CUX1: variants seen among roughly 807,000 people sequenced by gnomAD.
The protein encoded by CUX1 is protein CASP.
CUX1 carries 31 observed loss-of-function variants against 158.8 expected under a neutral mutation model. That is an observed-to-expected ratio of 0.20 (90% CI 0.15 to 0.26). The LOEUF is 0.26. Among genes scored for constraint, CUX1 ranks in the 10% least tolerant of loss-of-function variants. The pLI, the probability that CUX1 is intolerant of heterozygous loss-of-function variation, is 1.00. For missense variants in CUX1, 1,589 were observed against 2,014.6 expected, an observed-to-expected ratio of 0.79 and a Z score of 4.04; for synonymous variants, 879 against 862.1, an observed-to-expected ratio of 1.02 and a Z score of -0.34.
intron 3 of CUX1, among the ~76,000 whole-genome samples, chr7:102,050,899 G>T (rs1196303471): frequency 6.6e-6 from 1 of 151,838 alleles, no homozygotes; most frequent in African/African-American, 2.4e-5. Flanking sequence ...CCCTAACCTC[G>T]CTGGAATCAG....
chr7:102,184,026 T>C (rs1281854879), intron 11 of CUX1, among the ~76,000 whole-genome samples: 1 of 151,928 alleles, frequency 6.6e-6, no homozygotes, highest in African/African-American at 2.4e-5. Context: ...GCCTCCCAAG[T>C]AGTCGGGACT....
At chr7:102,142,336 A>C (rs1834552461) in intron 8 of CUX1, among the ~76,000 whole-genome samples, 1 of 152,194 alleles carries the variant, frequency 6.6e-6, no homozygotes, top group African/African-American at 2.4e-5. Flanking sequence ...GAATGCAGAA[A>C]CTGGGCAAGC....
intron 17 of CUX1, among the ~76,000 whole-genome samples, chr7:102,276,396 G>C (rs1157714406): frequency 6.6e-6 from 1 of 152,154 alleles, no homozygotes; most frequent in African/African-American, 2.4e-5. Flanking sequence ...CCACCTCCTG[G>C]GTTCAAGCGA....
chr7:102,112,328 G>C (rs371474892), intron 7 of CUX1, among the ~76,000 whole-genome samples: 1 of 142,830 alleles, frequency 7.0e-6, no homozygotes, highest in Admixed American at 7.3e-5. Context: ...TGCAAGCTCC[G>C]CCTCCTGGGT....
chr7:101,884,396 GTTT>G (rs935620978), intron 1 of CUX1, among the ~76,000 whole-genome samples: 2 of 152,258 alleles, frequency 1.3e-5, no homozygotes, highest in African/African-American at 4.8e-5. Context: ...TAGATAACGT[GTTT>G]TTCTGTCCGG....
At position 102,251,424 on chromosome 7, in the gene CUX1, G is replaced by C; in HGVS notation, c.*2382G>C. On this transcript the variant is annotated 3_prime_UTR_variant, in exon 24 of 24. Transcript: ENST00000292535. Reference sequence around the variant, plus strand: ...CCTGCAGCTGCAGCACTTAGTTCACGTTTTCACAAATTTCAAGAGTCACTA... The same window carrying C: ...CCTGCAGCTGCAGCACTTAGTTCACCTTTTCACAAATTTCAAGAGTCACTA... 1.0e-6 allele frequency: 1 copy of C among 985,280 alleles called. No individual in the cohort carries two copies. Among genetic ancestry groups the C allele is most frequent in the Non-Finnish European group, 1.2e-6 (1 of 829,912 alleles). The allele number at this position is 985,280 out of a possible 1,614,324, so 61.0% of individuals were successfully genotyped here.
At chr7:102,156,928 C>G (rs1789825883) in intron 8 of CUX1, among the ~76,000 whole-genome samples, 1 of 152,200 alleles carries the variant, frequency 6.6e-6, no homozygotes, top group Non-Finnish European at 1.5e-5. Flanking sequence ...AACCTGGAAA[C>G]TAGGACTAGG....
rs559002118 is a variant in CUX1 at position 101,866,715 on chromosome 7, G to A, written c.30+49046G>A. 5.9e-5 allele frequency among the ~76,000 whole-genome samples: 9 copies of A among 152,276 alleles called. No individual in the cohort carries two copies. In the South Asian group the frequency reaches 1.4e-3, roughly 25 times the overall value. ...TCACCGTTGAGACAATGAACAGCTC[G>A]TTAAATAAATTGTTGGTAACAATGA... On this transcript the variant is annotated intron_variant, in intron 1 of 23. Coordinates refer to ENST00000292535, the MANE Select transcript of CUX1 (RefSeq NM_181552.4).
intron 2 of CUX1, among the ~76,000 whole-genome samples, chr7:101,954,874 T>C (rs1006667938): frequency 6.6e-6 from 1 of 151,252 alleles, no homozygotes; most frequent in Non-Finnish European, 1.5e-5. Flanking sequence ...TTGGAAGCTG[T>C]TGAAATACAG....
chr7:102,123,776 C>T (rs1402221005), intron 8 of CUX1, among the ~76,000 whole-genome samples: 1 of 152,032 alleles, frequency 6.6e-6, no homozygotes, highest in Admixed American at 6.6e-5. Flanking sequence ...GATTTTCCCA[C>T]CTCAGCCACC....
At chr7:102,237,141 T>C (rs1799657575) in intron 22 of CUX1, among the ~76,000 whole-genome samples, 1 of 152,238 alleles carries the variant, frequency 6.6e-6, no homozygotes, top group African/African-American at 2.4e-5. Flanking sequence ...CTGTTTGGGT[T>C]TTCTATGGGG....
intron 2 of CUX1, among the ~76,000 whole-genome samples, chr7:101,998,352 G>C (rs1256345781): frequency 6.6e-6 from 1 of 152,242 alleles, no homozygotes; most frequent in East Asian, 1.9e-4. Flanking sequence ...AGCTGTAGGT[G>C]CACATTTACC....
intron 3 of CUX1, among the ~76,000 whole-genome samples, chr7:102,059,952 T>C (rs1457528348): frequency 1.3e-5 from 2 of 152,128 alleles, no homozygotes; most frequent in South Asian, 2.1e-4. Flanking sequence ...TGGATTGTTC[T>C]TGAATATGCC....
At chr7:101,951,709 G>T (rs908756200) in intron 2 of CUX1, among the ~76,000 whole-genome samples, 3 of 152,022 alleles carry the variant, frequency 2.0e-5, no homozygotes, top group Admixed American at 1.3e-4. Context: ...GGGTTTCACC[G>T]TGTTAGCCAG....
intron 4 of CUX1, among the ~76,000 whole-genome samples, chr7:102,088,546 T>G (rs1828186988): frequency 6.6e-6 from 1 of 152,042 alleles, no homozygotes; most frequent in African/African-American, 2.4e-5. Context: ...AGGCAGGAGA[T>G]TCTCTTGAAT....
intron 5 of CUX1, among the ~76,000 whole-genome samples, chr7:102,101,974 T>A (rs1829826017): frequency 2.0e-5 from 3 of 151,892 alleles, no homozygotes; most frequent in African/African-American, 7.3e-5. Context: ...ACCATTGACG[T>A]AGCAGAGCAG....
chr7:102,110,526 ATTAG>A (rs1239616546), intron 6 of CUX1, among the ~76,000 whole-genome samples: 1 of 152,198 alleles, frequency 6.6e-6, no homozygotes, highest in East Asian at 1.9e-4. Flanking sequence ...TGTGTTATGT[ATTAG>A]TTCATATTAC....
intron 3 of CUX1, among the ~76,000 whole-genome samples, chr7:102,042,409 C>G (rs935612976): frequency 6.6e-6 from 1 of 152,216 alleles, no homozygotes; most frequent in Non-Finnish European, 1.5e-5. Context: ...CTCCTGGTAA[C>G]AAGTTCTGTG....
intron 3 of CUX1, among the ~76,000 whole-genome samples, chr7:102,057,192 C>T (rs1295778163): frequency 2.0e-5 from 3 of 152,178 alleles, no homozygotes; most frequent in South Asian, 2.1e-4. Flanking sequence ...TGAGCCACCG[C>T]GCCTAGCCGA....
Sources: allele counts gnomAD v4.1 joint callset (sites outside exome capture counted in the v4.1 genomes callset), GRCh38; gene constraint gnomAD v4.1.1; transcripts MANE v1.5; gene names NCBI Gene and HGNC (gene_info 2026-07-23, HGNC 2026-07-21).